Variants in CMSS1 observed in about 807,000 individuals in gnomAD.
The protein encoded by CMSS1 is cms1 ribosomal small subunit homolog, also known as protein CMSS1.
A neutral mutation model predicts 43.5 loss-of-function variants in CMSS1; 33 were observed. The ratio of observed to expected loss-of-function variants is 0.76; its 90% CI spans 0.57 to 1.01. The LOEUF is 1.01. CMSS1 is among the 50% of genes least tolerant of loss of function. The probability of loss-of-function intolerance (pLI) is 0.00; values close to 1 mark genes in which losing one functional copy is unlikely to be tolerated. For synonymous variants in CMSS1, 115 were observed against 117.2 expected, an observed-to-expected ratio of 0.98 and a Z score of 0.12; for missense variants, 313 against 326.4, an observed-to-expected ratio of 0.96 and a Z score of 0.32.
intron 1 of CMSS1, among the ~76,000 whole-genome samples, chr3:100,047,326 A>G (rs1159333107): frequency 6.6e-6 from 1 of 152,250 alleles, no homozygotes; most frequent in Admixed American, 6.5e-5. Context: ...TCCAAAGCAT[A>G]TTTATTGATG....
chr3:99,987,917 C>T (rs1407342319), intron 1 of CMSS1, among the ~76,000 whole-genome samples: 1 of 152,164 alleles, frequency 6.6e-6, no homozygotes, highest in South Asian at 2.1e-4. Flanking sequence ...AGTCTCTCAT[C>T]CTGTTGGATT....
intron 1 of CMSS1, among the ~76,000 whole-genome samples, chr3:99,967,989 A>G (rs1708703355): frequency 6.6e-6 from 1 of 152,216 alleles, no homozygotes; most frequent in Non-Finnish European, 1.5e-5. Context: ...GCAATCTCAA[A>G]CATGTATTAC....
rs141778095 is a variant in CMSS1 at position 100,044,369 on chromosome 3, CAG to C, written c.65-102603_65-102602del. On this transcript the variant is annotated intron_variant, in intron 1 of 9. Transcript: ENST00000421999. ...TACATCATAGTATAAAGAAGTAACA[CAG>C]GGGTAATCTGTCAAGGGGGGCAGTG... Among the ~76,000 whole-genome samples the C allele has an allele frequency of 4.5e-3, 691 of 151,888 alleles. 7 individuals are homozygous for C. Among genetic ancestry groups the C allele is most frequent in the African/African-American group, 0.016 (673 of 41,252 alleles).
At chr3:99,849,923 C>CTCT (rs1943578766) in intron 1 of CMSS1, 1 of 1,612,424 alleles carries the variant, frequency 6.2e-7, no homozygotes, top group African/African-American at 1.3e-5. Context: ...AACATATTAA[C>CTCT]TCTTGACAGG....
At chr3:100,172,431 G>A (rs1406156794) in intron 8 of CMSS1, 28 bp downstream of exon 8, 3 of 1,573,200 alleles carry the variant, frequency 1.9e-6, no homozygotes, top group Non-Finnish European at 2.6e-6. Context: ...TGATACTCTT[G>A]CCCAGGGCTG....
In CMSS1 at chr3:100,160,185, A is replaced by T. The variant is rs548868690; in HGVS notation, c.154-245A>T. ...CAAGCACACATATACACTCACTCAC[A>T]ATTTGATCTTGCTCAAAGATTCTCC... is the stretch of plus-strand genomic sequence containing the variant. On this transcript the variant is annotated intron_variant, in intron 2 of 9. Transcript: ENST00000421999. Among the ~76,000 whole-genome samples the T allele has an allele frequency of 2.0e-5, 3 of 152,268 alleles. No homozygotes were observed. In the South Asian group the frequency reaches 6.2e-4, roughly 32 times the overall value.
chr3:99,882,852 T>C (rs1705773531), intron 1 of CMSS1, among the ~76,000 whole-genome samples: 1 of 152,230 alleles, frequency 6.6e-6, no homozygotes, highest in South Asian at 2.1e-4. Context: ...ATGTTTTCTT[T>C]TGTTGCATTT....
rs1311319291 is a variant in CMSS1, at chr3:99,910,272, T to C, written c.64+92229T>C. Reference sequence around the variant, plus strand: ...ACTTCATCCAGTGAGTATGTTTACCTAAATGTGTCATCAAACTTCTCAGCT... The same window carrying C: ...ACTTCATCCAGTGAGTATGTTTACCCAAATGTGTCATCAAACTTCTCAGCT... On this transcript the variant is annotated intron_variant, in intron 1 of 9. Coordinates refer to ENST00000421999, the MANE Select transcript of CMSS1 (RefSeq NM_032359.4). Among the ~76,000 whole-genome samples, 5 of 137,060 alleles carry C rather than the reference T, an allele frequency of 3.6e-5. 1 individual carries two copies. The highest frequency in any genetic ancestry group is 5.0e-5 in the African/African-American group (2 of 40,128). 89.9% of individuals were successfully genotyped at this position (137,060 alleles called of 152,430 possible).
chr3:99,988,511 C>T (rs1368476728), intron 1 of CMSS1, among the ~76,000 whole-genome samples: 1 of 47,880 alleles, frequency 2.1e-5, no homozygotes, highest in Middle Eastern at 0.015. Flanking sequence ...GACTCCATCT[C>T]AAAAAAAAAA....
chr3:99,851,114 G>A, intron 1 of CMSS1: 1 of 1,443,750 alleles, frequency 6.9e-7, no homozygotes, highest in Non-Finnish European at 9.3e-7. Flanking sequence ...TGATGCTTTA[G>A]TAACTCATCG....
chr3:99,846,657 T>A (rs1457459319), intron 1 of CMSS1, among the ~76,000 whole-genome samples: 1 of 152,204 alleles, frequency 6.6e-6, no homozygotes. Context: ...GCCCATAGCG[T>A]TGGTGTTGCA....
rs1206658933 is a variant in CMSS1 at position 100,021,976 on chromosome 3, A to T, written c.65-124997A>T. Among the ~76,000 whole-genome samples the T allele has an allele frequency of 1.8e-3, 271 of 150,686 alleles. 1 individual carries two copies. Among genetic ancestry groups the T allele is most frequent in the African/African-American group, 6.4e-3 (263 of 40,818 alleles). On this transcript the variant is annotated intron_variant, in intron 1 of 9. Transcript: ENST00000421999. ...GTGTGTGTGTGAGAGAGAGAGAGAG[A>T]GAGAGAGAGAGAGAGAGATATGAGG...
chr3:99,922,770 C>T (rs1361170622), intron 1 of CMSS1, among the ~76,000 whole-genome samples: 1 of 152,172 alleles, frequency 6.6e-6, no homozygotes, highest in Non-Finnish European at 1.5e-5. Flanking sequence ...AAATAATCTA[C>T]CCTACATATG....
chr3:99,988,362 A>T (rs1709412178), intron 1 of CMSS1, among the ~76,000 whole-genome samples: 1 of 149,824 alleles, frequency 6.7e-6, no homozygotes. Flanking sequence ...AAAAAAAAAA[A>T]ATTAGCCAGG....
At chr3:100,114,834 A>G in intron 1 of CMSS1, 1 of 674,426 alleles carries the variant, frequency 1.5e-6, no homozygotes, top group Non-Finnish European at 2.5e-6. Flanking sequence ...TAACAAGGGC[A>G]TGACCCCTTC....
chr3:100,003,522 C>T (rs1436690473), intron 1 of CMSS1, among the ~76,000 whole-genome samples: 4 of 152,146 alleles, frequency 2.6e-5, no homozygotes, highest in Non-Finnish European at 4.4e-5. Context: ...GTGAAGTATC[C>T]ATTTTGTAGA....
chr3:100,158,801 A>C (rs1329536583), intron 2 of CMSS1, among the ~76,000 whole-genome samples: 1 of 152,230 alleles, frequency 6.6e-6, no homozygotes, highest in African/African-American at 2.4e-5. Flanking sequence ...GCTCATTTCT[A>C]GATTTAATTT....
rs890321968 is a variant in CMSS1, at chr3:99,873,380, A to AAC, written c.64+55337_64+55338insAC. On this transcript the variant is annotated intron_variant, in intron 1 of 9. Transcript: ENST00000421999. ...AGATGACAGGCTCTGTGAACAACAG[A>AAC]TGGGGCCATTTCAGTTCCTGAAGCA... Among the ~76,000 whole-genome samples the AAC allele has an allele frequency of 2.6e-5, 4 of 152,360 alleles. 1 individual carries two copies. The highest frequency in any genetic ancestry group is 9.6e-5 in the African/African-American group (4 of 41,586).
intron 1 of CMSS1, among the ~76,000 whole-genome samples, chr3:100,026,415 A>G (rs1294198248): frequency 1.3e-5 from 2 of 151,964 alleles, no homozygotes; most frequent in African/African-American, 4.8e-5. Flanking sequence ...TAGTGAACCA[A>G]AGGGCCAGTG....
Sources: allele counts gnomAD v4.1 joint callset (sites outside exome capture counted in the v4.1 genomes callset), GRCh38; gene constraint gnomAD v4.1.1; transcripts MANE v1.5; gene names NCBI Gene and HGNC (gene_info 2026-07-23, HGNC 2026-07-21).